Variants in TOGARAM1 observed in about 807,000 individuals in gnomAD.
TOGARAM1 encodes TOG array regulator of axonemal microtubules protein 1.
In TOGARAM1, 100 loss-of-function variants were observed where a neutral mutation model predicts 166.6. The observed-to-expected ratio is 0.60, with a 90% CI of 0.51 to 0.71. The LOEUF (loss-of-function observed/expected upper bound fraction) is 0.71, where lower values mean the gene tolerates loss of function less well. Among genes scored for constraint, TOGARAM1 ranks in the 30% least tolerant of loss-of-function variants. The pLI is 0.00. For synonymous variants in TOGARAM1, 758 were observed against 763.8 expected, an observed-to-expected ratio of 0.99 and a Z score of 0.13; for missense variants, 2,029 against 2,102.7, an observed-to-expected ratio of 0.96 and a Z score of 0.69.
At chr14:45,013,178 G>GA (rs2138864917) in intron 7 of TOGARAM1, among the ~76,000 whole-genome samples, 1 of 152,166 alleles carries the variant, frequency 6.6e-6, no homozygotes, top group South Asian at 2.1e-4. Context: ...ATGAAATCTA[G>GA]AATCCATACC....
At chr14:44,967,703 G>C (rs975922601) in intron 1 of TOGARAM1, among the ~76,000 whole-genome samples, 1 of 152,186 alleles carries the variant, frequency 6.6e-6, no homozygotes, top group Non-Finnish European at 1.5e-5. Context: ...AGTAGCAGAT[G>C]ATACTGGAGA....
Position 45,046,556 on chromosome 14 carries a change from T to C in TOGARAM1, c.4166T>C (p.Ile1389Thr). 1 of 1,311,842 alleles carries C rather than the reference T, an allele frequency of 7.6e-7. No homozygotes were observed. Among genetic ancestry groups the C allele is most frequent in the Non-Finnish European group, 9.8e-7 (1 of 1,022,282 alleles). 81.3% of individuals were successfully genotyped at this position (1,311,842 alleles called of 1,614,324 possible). The change falls in exon 14 of 20, where the codon ATT becomes ACT. Residue 1389 changes from isoleucine (I) to threonine (T), a missense_variant. Ile to Thr is a moderately conservative substitution (Grantham distance 89). This residue lies in a region of TOGARAM1 where 576 missense variants were observed against 670.5 expected (regional missense o/e 0.86). Coordinates refer to ENST00000361462, the MANE Select transcript of TOGARAM1 (RefSeq NM_001308120.2). ...LINGGQSHLHIAVRRCTAQHL... is the reference protein window; with the variant it reads ...LINGGQSHLHTAVRRCTAQHL... Reference sequence around the variant, plus strand: ...ATGTCTCCTTGTAGCCATTTACACATTGCTGTAAGAAGGTGTACAGCCCAG... The same window carrying C: ...ATGTCTCCTTGTAGCCATTTACACACTGCTGTAAGAAGGTGTACAGCCCAG...
At chr14:44,976,141 T>A (rs1399212871) in intron 1 of TOGARAM1, among the ~76,000 whole-genome samples, 1 of 152,188 alleles carries the variant, frequency 6.6e-6, no homozygotes, top group Non-Finnish European at 1.5e-5. Context: ...TCACTTTGAT[T>A]AACATCTTTC....
intron 17 of TOGARAM1, 45 bp downstream of exon 17, chr14:45,066,812 A>G: frequency 6.6e-7 from 1 of 1,525,288 alleles, no homozygotes; most frequent in Non-Finnish European, 8.9e-7. Flanking sequence ...ATGGTGGCTC[A>G]CGCCTGTAAT....
At chr14:45,039,353 A>G (rs1254371647) in intron 11 of TOGARAM1, among the ~76,000 whole-genome samples, 1 of 152,088 alleles carries the variant, frequency 6.6e-6, no homozygotes, top group Non-Finnish European at 1.5e-5. Context: ...CAGTCTGTGG[A>G]ACTAGCAGCC....
chr14:45,073,222 G>T (rs1204682193), intron 19 of TOGARAM1, 74 bp from the exon 20 acceptor site: 3 of 1,396,108 alleles, frequency 2.1e-6, no homozygotes, highest in Non-Finnish European at 1.9e-6. Context: ...GTATATTTTA[G>T]TTGCTTTTTA....
chr14:44,979,446 T>C (rs1886408286), intron 1 of TOGARAM1, among the ~76,000 whole-genome samples: 1 of 152,156 alleles, frequency 6.6e-6, no homozygotes, highest in Admixed American at 6.5e-5. Flanking sequence ...ATCCCATACT[T>C]GAGGGTGGAG....
chr14:45,042,770 A>G (rs1168279301), intron 11 of TOGARAM1, among the ~76,000 whole-genome samples: 1 of 152,136 alleles, frequency 6.6e-6, no homozygotes, highest in African/African-American at 2.4e-5. Context: ...GATCACCTGA[A>G]CCCTCAGTGA....
chr14:45,036,636 A>C (rs1394732205), intron 11 of TOGARAM1, among the ~76,000 whole-genome samples: 1 of 152,258 alleles, frequency 6.6e-6, no homozygotes, highest in Admixed American at 6.5e-5. Flanking sequence ...ATTAACTCTC[A>C]GTTTTCTGGG....
At chr14:44,973,534 A>G (rs61998159) in intron 1 of TOGARAM1, among the ~76,000 whole-genome samples, 4 of 148,078 alleles carry the variant, frequency 2.7e-5, no homozygotes, top group Non-Finnish European at 5.9e-5. Context: ...AATATGAAAA[A>G]TAAGTTTTTT....
At chr14:45,019,844 G>A (rs987828110) in intron 7 of TOGARAM1, among the ~76,000 whole-genome samples, 1 of 152,178 alleles carries the variant, frequency 6.6e-6, no homozygotes, top group African/African-American at 2.4e-5. Flanking sequence ...CTCAAGTGCT[G>A]TTGGGGTGGT....
intron 19 of TOGARAM1, among the ~76,000 whole-genome samples, chr14:45,072,296 T>G (rs926157057): frequency 5.9e-5 from 9 of 152,184 alleles, no homozygotes; most frequent in African/African-American, 2.2e-4. Flanking sequence ...TTGCCCCATA[T>G]GGTGAATGGT....
intron 1 of TOGARAM1, among the ~76,000 whole-genome samples, chr14:44,975,775 C>CTTT (rs34089963): frequency 1.6e-5 from 2 of 128,086 alleles, no homozygotes; most frequent in Admixed American, 8.1e-5. Context: ...CTTCCCCTGC[C>CTTT]TTTTTTTTTT....
chr14:45,032,313 G>A lies in TOGARAM1; in HGVS notation c.3749G>A (p.Arg1250Gln), dbSNP rs769188598. ...SPEIMDLSEL[R>Q]PFSKPEIALT... ...GAAATAATGGATCTGTCAGAACTAC[G>A]ACCATTCTCTAAACCAGAAATAGCA... The change falls in exon 11 of 20, where the codon CGA (arginine) becomes CAA (glutamine). Residue 1250 changes from arginine (R) to glutamine (Q), a missense_variant. By Grantham distance (43) the Arg-to-Gln change is conservative (BLOSUM62 1). This residue lies in a region of TOGARAM1 where 576 missense variants were observed against 670.5 expected (regional missense o/e 0.86). Coordinates refer to ENST00000361462, the MANE Select transcript of TOGARAM1 (RefSeq NM_001308120.2). The A allele has an allele frequency of 5.6e-6, 9 of 1,613,910 alleles. No homozygotes were observed. Among genetic ancestry groups the A allele is most frequent in the Middle Eastern group, 1.6e-4 (1 of 6,084 alleles).
At chr14:45,023,696 G>T (rs1045571614) in intron 7 of TOGARAM1, among the ~76,000 whole-genome samples, 1 of 152,038 alleles carries the variant, frequency 6.6e-6, no homozygotes, top group Non-Finnish European at 1.5e-5. Context: ...AGCTTAACAT[G>T]AGTGATTCTC....
chr14:45,029,268 G>A (rs2138913054), intron 10 of TOGARAM1, among the ~76,000 whole-genome samples: 1 of 152,232 alleles, frequency 6.6e-6, no homozygotes, highest in South Asian at 2.1e-4. Context: ...AAAATTCAGG[G>A]AGAGAAAAAC....
chr14:45,040,653 T>G (rs975238182), intron 11 of TOGARAM1, among the ~76,000 whole-genome samples: 1 of 151,620 alleles, frequency 6.6e-6, no homozygotes, highest in Admixed American at 6.6e-5. Flanking sequence ...AGAAATATGA[T>G]AAACAGCATG....
intron 7 of TOGARAM1, among the ~76,000 whole-genome samples, chr14:45,019,391 A>G (rs1880353091): frequency 6.6e-6 from 1 of 152,100 alleles, no homozygotes; most frequent in Non-Finnish European, 1.5e-5. Context: ...TACAGTCATT[A>G]TCTCTTCCAT....
intron 7 of TOGARAM1, among the ~76,000 whole-genome samples, chr14:45,014,002 C>T (rs1306756557): frequency 5.3e-5 from 8 of 149,576 alleles, no homozygotes; most frequent in Non-Finnish European, 1.5e-5. Context: ...ATAATACATA[C>T]TTATATATGC....
Sources: allele counts gnomAD v4.1 joint callset (sites outside exome capture counted in the v4.1 genomes callset), GRCh38; gene constraint gnomAD v4.1.1; regional missense constraint gnomAD v4.1.1; transcripts MANE v1.5; gene names NCBI Gene and HGNC (gene_info 2026-07-23, HGNC 2026-07-21).